FAM149B1: variants seen among roughly 807,000 people sequenced by gnomAD.
FAM149B1 encodes family with sequence similarity 149 member B1, also known as primary cilium assembly protein FAM149B1.
A neutral mutation model predicts 75.3 loss-of-function variants in FAM149B1; 56 were observed. The observed-to-expected ratio is 0.74, with a 90% CI of 0.60 to 0.93. The LOEUF is 0.93. Among genes scored for constraint, FAM149B1 ranks in the 40% least tolerant of loss-of-function variants. The pLI is 0.00. For synonymous variants in FAM149B1, 259 were observed against 256.1 expected (o/e 1.01, Z -0.11); for missense variants, 639 against 708.4 (o/e 0.90, Z 1.11).
chr10:73,178,104 G>T (rs578050536), intron 3 of FAM149B1, 129 bp downstream of exon 3: 5 of 980,178 alleles, frequency 5.1e-6, no homozygotes, highest in African/African-American at 5.0e-5. Flanking sequence ...CATAATAACT[G>T]TAAAGAAGTA....
intron 7 of FAM149B1, among the ~76,000 whole-genome samples, chr10:73,225,577 T>A (rs1357875407): frequency 6.6e-6 from 1 of 152,154 alleles, no homozygotes; most frequent in Non-Finnish European, 1.5e-5. Flanking sequence ...AAATAAAAAA[T>A]TTATAAAGTC....
chr10:73,237,296 T>C (rs916619211), intron 12 of FAM149B1, among the ~76,000 whole-genome samples: 2 of 152,350 alleles, frequency 1.3e-5, no homozygotes, highest in Non-Finnish European at 2.9e-5. Context: ...TTTCTGATTC[T>C]TGGGGTTCAG....
chr10:73,233,187 T>C (rs933161811), intron 10 of FAM149B1, 24 bp downstream of exon 10: 10 of 1,469,812 alleles, frequency 6.8e-6, no homozygotes, highest in Non-Finnish European at 9.3e-6. Context: ...GCAGAACTTC[T>C]GGAAACCGTG....
chr10:73,204,944 A>ATTTTTTTTT (rs71021549), intron 5 of FAM149B1, among the ~76,000 whole-genome samples: 1 of 36,606 alleles, frequency 2.7e-5, no homozygotes, highest in African/African-American at 9.7e-5. Flanking sequence ...TGCCTGGCTA[A>ATTTTTTTTT]TTTTTTTTTT....
chr10:73,171,126 G>T (rs1843694123), intron 1 of FAM149B1, among the ~76,000 whole-genome samples: 1 of 152,058 alleles, frequency 6.6e-6, no homozygotes, highest in Non-Finnish European at 1.5e-5. Flanking sequence ...GCTAATTTTT[G>T]TATTTTTAGT....
rs190615378 is a variant in FAM149B1 at position 73,196,628 on chromosome 10, A to C, written c.542+3035A>C. Among the ~76,000 whole-genome samples the C allele has an allele frequency of 1.8e-3, 267 of 152,276 alleles. 1 individual carries two copies. The highest frequency in any genetic ancestry group is 6.0e-3 in the African/African-American group (249 of 41,560). On this transcript the variant is annotated intron_variant, in intron 5 of 13. Transcript: ENST00000242505. ...TATCCATTCTTGCCCTCTCCAATATATTCTCCACATTAAATCAGATTTTTT... is the reference window on the plus strand; with the variant it reads ...TATCCATTCTTGCCCTCTCCAATATCTTCTCCACATTAAATCAGATTTTTT...
rs117305600 is a variant in FAM149B1, at chr10:73,223,310, T to C, written c.899-4750T>C. 9.2e-5 allele frequency among the ~76,000 whole-genome samples: 14 copies of C among 152,310 alleles called. No homozygotes were observed. The East Asian group carries it at 2.5e-3, about 27-fold the overall frequency. On this transcript the variant is annotated intron_variant, in intron 7 of 13. Transcript: ENST00000242505. Reference sequence around the variant, plus strand: ...AAAATTTTGTAAGAATGGATTCATATAGTATATACCCTTATGCATCTGGCT... The same window carrying C: ...AAAATTTTGTAAGAATGGATTCATACAGTATATACCCTTATGCATCTGGCT...
chr10:73,230,362 G>C (rs528386107), intron 8 of FAM149B1, 60 bp from the exon 9 acceptor site: 198 of 920,468 alleles, frequency 2.2e-4, no homozygotes, highest in Non-Finnish European at 3.2e-4. Flanking sequence ...GGCAAAGTTG[G>C]AAAACCAAAC....
At chr10:73,236,730 T>C (rs574049118) in intron 12 of FAM149B1, among the ~76,000 whole-genome samples, 24 of 150,800 alleles carry the variant, frequency 1.6e-4, no homozygotes, top group Non-Finnish European at 2.2e-4. Flanking sequence ...CTTTTCTTTT[T>C]TTTTTTTTTT....
chr10:73,218,230 G>A lies in FAM149B1; in HGVS notation c.898+7792G>A, dbSNP rs148458944. ...ATTGGGAGTTCCATGACTAAGTTTCGAGACCTGGGACTAATCCTCTGCAGT... is the reference window on the plus strand; with the variant it reads ...ATTGGGAGTTCCATGACTAAGTTTCAAGACCTGGGACTAATCCTCTGCAGT... On this transcript the variant is annotated intron_variant, in intron 7 of 13. Transcript: ENST00000242505. Among the ~76,000 whole-genome samples the A allele has an allele frequency of 2.0e-3, 298 of 152,256 alleles. 2 individuals are homozygous for A. Among genetic ancestry groups the A allele is most frequent in the African/African-American group, 6.8e-3 (283 of 41,532 alleles).
At chr10:73,204,585 T>C (rs1002747358) in intron 5 of FAM149B1, among the ~76,000 whole-genome samples, 1 of 152,050 alleles carries the variant, frequency 6.6e-6, no homozygotes, top group African/African-American at 2.4e-5. Flanking sequence ...TTCTCCAGAG[T>C]AAACCCACTG....
In FAM149B1 at chr10:73,230,489, T is replaced by C. The variant is rs866426573; in HGVS notation, c.1091T>C (p.Leu364Pro). ...GATCTCTTGGTTCATGGAATGCCTC[T>C]ACAGCCAAGAAATCTCTCCCTAATG... Reference protein sequence around the residue: ...VNDLLVHGMPLQPRNLSLMDK... With the variant: ...VNDLLVHGMPPQPRNLSLMDK... The change falls in exon 9 of 14, where the codon CTA (leucine) becomes CCA (proline). Residue 364 changes from leucine to proline, a missense_variant. Coordinates refer to ENST00000242505, the MANE Select transcript of FAM149B1 (RefSeq NM_173348.2). 6.5e-7 allele frequency: 1 copy of C among 1,547,642 alleles called. No homozygotes were observed. Among genetic ancestry groups the C allele is most frequent in the Non-Finnish European group, 8.7e-7 (1 of 1,143,250 alleles).
At chr10:73,178,092 T>G in intron 3 of FAM149B1, 117 bp downstream of exon 3, 2 of 1,067,620 alleles carry the variant, frequency 1.9e-6, no homozygotes, top group Non-Finnish European at 2.6e-6. Context: ...TTTATCATAC[T>G]TCATAATAAC....
intron 1 of FAM149B1, 68 bp from the exon 2 acceptor site, chr10:73,174,619 T>A (rs1233389071): frequency 8.5e-7 from 1 of 1,178,660 alleles, no homozygotes; most frequent in Non-Finnish European, 1.2e-6. Flanking sequence ...GACTAACTTC[T>A]AGATTAAATT....
chr10:73,177,203 CAAAAAAT>C lies in FAM149B1; in HGVS notation c.153-630_153-624del, dbSNP rs374522801. Among the ~76,000 whole-genome samples the C allele has an allele frequency of 5.1e-4, 77 of 151,960 alleles. 1 individual carries two copies. Among genetic ancestry groups the C allele is most frequent in the African/African-American group, 1.8e-3 (74 of 41,444 alleles). On this transcript the variant is annotated intron_variant, in intron 2 of 13. Coordinates refer to ENST00000242505, the MANE Select transcript of FAM149B1 (RefSeq NM_173348.2). ...TGGGTGACAGAGCGAGACCCCATCTCAAAAAATAAAAAATAAAAAGTGCCATACAAGA... is the reference window on the plus strand; with the variant it reads ...TGGGTGACAGAGCGAGACCCCATCTCAAAAAATAAAAAGTGCCATACAAGA...
Position 73,242,000 on chromosome 10 carries a change from CTTGA to C in FAM149B1, c.*985_*988del, listed in dbSNP as rs1449097457. Reference sequence around the variant, plus strand: ...ATTTTAAATTTCACTAAATACAAATCTTGATTGTCATGCCAGTTTTAGATCTTAT... The same window carrying C: ...ATTTTAAATTTCACTAAATACAAATCTTGTCATGCCAGTTTTAGATCTTAT... On this transcript the variant is annotated 3_prime_UTR_variant, in exon 14 of 14. Coordinates refer to ENST00000242505, the MANE Select transcript of FAM149B1 (RefSeq NM_173348.2). The C allele has an allele frequency of 6.6e-6, 1 of 152,156 alleles. No individual in the cohort carries two copies. Among genetic ancestry groups the C allele is most frequent in the Non-Finnish European group, 1.5e-5 (1 of 68,024 alleles). The allele number at this position is 152,156 out of a possible 1,614,324, so 9.4% of individuals were successfully genotyped here.
chr10:73,172,608 A>C (rs575279261), intron 1 of FAM149B1, among the ~76,000 whole-genome samples: 1 of 152,294 alleles, frequency 6.6e-6, no homozygotes, highest in Admixed American at 6.5e-5. Context: ...GTATTTGACT[A>C]CAGAGTTTTG....
intron 7 of FAM149B1, among the ~76,000 whole-genome samples, chr10:73,213,135 C>A (rs2043224327): frequency 6.6e-6 from 1 of 152,202 alleles, no homozygotes; most frequent in Non-Finnish European, 1.5e-5. Flanking sequence ...GCATGAGCCA[C>A]CATGCCCAGC....
At chr10:73,180,949 A>G (rs1721477214) in intron 3 of FAM149B1, among the ~76,000 whole-genome samples, 1 of 150,576 alleles carries the variant, frequency 6.6e-6, no homozygotes, top group Non-Finnish European at 1.5e-5. Flanking sequence ...AAATTTCATT[A>G]ATTTCTACCC....
Sources: gnomAD v4.1 joint callset for allele counts (sites outside exome capture counted in the v4.1 genomes callset) on GRCh38, gnomAD v4.1.1 for gene constraint, MANE v1.5 for transcripts, NCBI Gene and HGNC (gene_info 2026-07-23, HGNC 2026-07-21) for gene names.